LRRTM4: variants seen among roughly 807,000 people sequenced by gnomAD.
LRRTM4 encodes the protein leucine rich repeat transmembrane neuronal 4.
Under a neutral mutation model 47.6 loss-of-function variants are expected in LRRTM4, and 25 were observed. The observed-to-expected ratio is 0.53, with a 90% CI of 0.38 to 0.73. The LOEUF (loss-of-function observed/expected upper bound fraction) is 0.73. LRRTM4 is among the 30% of genes least tolerant of loss of function. The probability of loss-of-function intolerance (pLI) is 0.00; values close to 1 mark genes in which losing one functional copy is unlikely to be tolerated. For missense variants in LRRTM4, 638 were observed against 713.4 expected (o/e 0.89, Z 1.20); for synonymous variants, 311 against 269.5 (o/e 1.15, Z -1.51).
At chr2:76,766,263 G>C (rs564673995) in intron 3 of LRRTM4, among the ~76,000 whole-genome samples, 2 of 152,304 alleles carry the variant, frequency 1.3e-5, no homozygotes, top group African/African-American at 4.8e-5. Flanking sequence ...CTTGTGCTAA[G>C]TTACATTTAA....
chr2:77,480,875 T>C (rs1289772466), intron 3 of LRRTM4, among the ~76,000 whole-genome samples: 1 of 129,486 alleles, frequency 7.7e-6, no homozygotes, highest in African/African-American at 2.8e-5. Context: ...GAAATAGCTC[T>C]CATGCAGGAT....
At chr2:77,214,615 C>A (rs1232063929) in intron 3 of LRRTM4, among the ~76,000 whole-genome samples, 1 of 151,814 alleles carries the variant, frequency 6.6e-6, no homozygotes, top group Admixed American at 6.6e-5. Flanking sequence ...TTTCATGTTA[C>A]ATATAATGCT....
intron 3 of LRRTM4, among the ~76,000 whole-genome samples, chr2:77,360,479 TACG>T (rs1672152624): frequency 1.0e-4 from 2 of 19,436 alleles, no homozygotes; most frequent in South Asian, 1.7e-3. Context: ...TACGATATGA[TACG>T]ATACGATACG....
At chr2:77,139,360 C>T (rs565624971) in intron 3 of LRRTM4, among the ~76,000 whole-genome samples, 36 of 152,132 alleles carry the variant, frequency 2.4e-4, no homozygotes, top group South Asian at 1.7e-3. Context: ...ATCAACAGAA[C>T]GAAAGACAAA....
At chr2:77,425,316 A>C (rs2103891325) in intron 3 of LRRTM4, among the ~76,000 whole-genome samples, 1 of 152,252 alleles carries the variant, frequency 6.6e-6, no homozygotes, top group African/African-American at 2.4e-5. Flanking sequence ...TTAATCTATT[A>C]TTCTACTTCC....
At chr2:77,517,877 T>C in intron 3 of LRRTM4, 1 of 987,418 alleles carries the variant, frequency 1.0e-6, no homozygotes, top group Non-Finnish European at 1.2e-6. Flanking sequence ...TGCTCTTTGG[T>C]TTAAATCTTC....
intron 3 of LRRTM4, among the ~76,000 whole-genome samples, chr2:76,815,192 C>G (rs1232790874): frequency 1.3e-5 from 2 of 152,004 alleles, no homozygotes; most frequent in Non-Finnish European, 2.9e-5. Context: ...ACTCTTCACA[C>G]AAAAAGATTA....
intron 3 of LRRTM4, among the ~76,000 whole-genome samples, chr2:76,971,554 C>G (rs62170358): frequency 0.12 from 18,834 of 151,984 alleles, 1,476 homozygotes; most frequent in Admixed American, 0.2. Context: ...GCTCCAGACT[C>G]AAGTTTGGGC....
intron 3 of LRRTM4, among the ~76,000 whole-genome samples, chr2:77,248,682 T>G (rs546739456): frequency 6.6e-6 from 1 of 152,246 alleles, no homozygotes; most frequent in South Asian, 2.1e-4. Context: ...AGTATGGTAC[T>G]GGCAAAATAA....
chr2:77,411,427 TCTC>T (rs1413238993), intron 3 of LRRTM4, among the ~76,000 whole-genome samples: 23 of 149,532 alleles, frequency 1.5e-4, no homozygotes, highest in South Asian at 4.2e-4. Context: ...CTTGTTTCTC[TCTC>T]TCTCTCTCTC....
At chr2:76,833,117 GGTGA>G (rs1350236667) in intron 3 of LRRTM4, among the ~76,000 whole-genome samples, 2 of 152,058 alleles carry the variant, frequency 1.3e-5, no homozygotes, top group Non-Finnish European at 2.9e-5. Context: ...CTGGAACTTG[GGTGA>G]GTGATTATGG....
intron 3 of LRRTM4, among the ~76,000 whole-genome samples, chr2:77,486,577 T>G (rs1677919639): frequency 6.6e-6 from 1 of 152,112 alleles, no homozygotes; most frequent in South Asian, 2.1e-4. Flanking sequence ...TAACCAAATT[T>G]TAAAAATTAA....
chr2:77,307,612 T>TAATATA, intron 3 of LRRTM4, among the ~76,000 whole-genome samples: 1 of 93,834 alleles, frequency 1.1e-5, no homozygotes, highest in East Asian at 3.3e-4. Context: ...TATAGATATA[T>TAATATA]CTATATATTA....
chr2:77,015,799 AGGAGGATAAGAGAACATTTCT>A (rs1226413728), intron 3 of LRRTM4, among the ~76,000 whole-genome samples: 6 of 152,120 alleles, frequency 3.9e-5, no homozygotes, highest in Non-Finnish European at 5.9e-5. Context: ...ATGCTTACCA[AGGAGGATAAGAGAACATTTCT>A]GGAGGATAAG....
rs116271557 is a variant in LRRTM4, at chr2:76,761,801, A to T, written c.1552-12885T>A. Among the ~76,000 whole-genome samples, 477 of 152,326 alleles carry T rather than the reference A, an allele frequency of 3.1e-3. 2 individuals carry two copies. The highest frequency in any genetic ancestry group is 0.011 in the African/African-American group (448 of 41,578). Reference sequence around the variant, plus strand: ...AGAATTAAAACCCCAAAGTGTTAGCAAATAAGCAATAATGACAAGGAGACA... The same window carrying T: ...AGAATTAAAACCCCAAAGTGTTAGCTAATAAGCAATAATGACAAGGAGACA... On this transcript the variant is annotated intron_variant, in intron 3 of 3. Coordinates refer to ENST00000409884, the MANE Select transcript of LRRTM4 (RefSeq NM_001134745.3).
At chr2:77,160,283 A>C (rs562380813) in intron 3 of LRRTM4, among the ~76,000 whole-genome samples, 21 of 152,308 alleles carry the variant, frequency 1.4e-4, no homozygotes, top group Admixed American at 1.0e-3. Context: ...TGTTGTAATC[A>C]TTCCAGACTT....
intron 3 of LRRTM4, among the ~76,000 whole-genome samples, chr2:77,477,933 AAGAAAGAAAGAAAGAAAG>A (rs1237988539): frequency 6.1e-5 from 9 of 147,688 alleles, no homozygotes; most frequent in African/African-American, 1.0e-4. Context: ...GAAAGAAAGA[AAGAAAGAAAGAAAGAAAG>A]AAAGAAAGAA....
At chr2:76,983,813 A>G (rs1447029764) in intron 3 of LRRTM4, among the ~76,000 whole-genome samples, 2 of 152,080 alleles carry the variant, frequency 1.3e-5, no homozygotes, top group African/African-American at 4.8e-5. Flanking sequence ...AGGCCATCAA[A>G]TATTTTAAAA....
chr2:76,762,125 A>G (rs988140408), intron 3 of LRRTM4, among the ~76,000 whole-genome samples: 2 of 152,196 alleles, frequency 1.3e-5, no homozygotes, highest in African/African-American at 4.8e-5. Context: ...TAACTGTTAT[A>G]CCATGCTCCA....
Sources: allele counts gnomAD v4.1 joint callset (sites outside exome capture counted in the v4.1 genomes callset), GRCh38; gene constraint gnomAD v4.1.1; transcripts MANE v1.5; gene names NCBI Gene and HGNC (gene_info 2026-07-23, HGNC 2026-07-21).